Variants in PKHD1 observed in about 807,000 individuals in gnomAD.
The protein encoded by PKHD1 is PKHD1 ciliary IPT domain containing fibrocystin/polyductin.
In PKHD1, 291 loss-of-function variants were observed where a neutral mutation model predicts 412.0. The ratio of observed to expected loss-of-function variants is 0.71; its 90% CI spans 0.64 to 0.78. The LOEUF is 0.78. Among genes scored for constraint, PKHD1 ranks in the 30% least tolerant of loss-of-function variants. The pLI is 0.00. For missense variants in PKHD1, 4,825 were observed against 4,950.7 expected, an observed-to-expected ratio of 0.97 and a Z score of 0.76; for synonymous variants, 1,777 against 1,821.5, an observed-to-expected ratio of 0.98 and a Z score of 0.62.
At chr6:51,744,278 A>G (rs891360835) in intron 60 of PKHD1, 107 bp downstream of exon 60, 3 of 954,958 alleles carry the variant, frequency 3.1e-6, no homozygotes, top group Admixed American at 1.7e-5. Flanking sequence ...CAACTCTAGA[A>G]TTTAGGTCTT....
chr6:52,016,699 C>A (rs1800595941), intron 34 of PKHD1, among the ~76,000 whole-genome samples: 1 of 151,250 alleles, frequency 6.6e-6, no homozygotes. Context: ...TCAAAGGTAG[C>A]CACTCTATCT....
At chr6:51,966,404 T>C (rs1409407447) in intron 35 of PKHD1, among the ~76,000 whole-genome samples, 2 of 152,194 alleles carry the variant, frequency 1.3e-5, no homozygotes, top group Admixed American at 6.5e-5. Context: ...TCTATCTCTG[T>C]GAGCAAAGGG....
intron 18 of PKHD1, among the ~76,000 whole-genome samples, chr6:52,056,336 C>T (rs1416275453): frequency 6.6e-6 from 1 of 152,150 alleles, no homozygotes; most frequent in African/African-American, 2.4e-5. Flanking sequence ...AGACTACTTT[C>T]TTAAGTAGTA....
chr6:51,758,058 A>C (rs1787366069), intron 55 of PKHD1, among the ~76,000 whole-genome samples: 1 of 131,130 alleles, frequency 7.6e-6, no homozygotes, highest in African/African-American at 3.0e-5. Context: ...GAGAGAAAAC[A>C]AAGCAAACAG....
chr6:51,826,677 G>C (rs985652156), intron 52 of PKHD1, among the ~76,000 whole-genome samples: 1 of 152,078 alleles, frequency 6.6e-6, no homozygotes, highest in African/African-American at 2.4e-5. Flanking sequence ...TTGAAGCAAA[G>C]TTATCACGAA....
chr6:51,958,251 A>T (rs1442583797), intron 36 of PKHD1, among the ~76,000 whole-genome samples: 1 of 152,084 alleles, frequency 6.6e-6, no homozygotes, highest in African/African-American at 2.4e-5. Flanking sequence ...GACCCTTCAG[A>T]TGACTTACTC....
rs369623770 is a variant in PKHD1, at chr6:51,619,080, A to C, written c.*1T>G. 3.1e-6 allele frequency: 5 copies of C among 1,613,998 alleles called. No individual in the cohort carries two copies. The highest frequency in any genetic ancestry group is 4.2e-6 in the Non-Finnish European group (5 of 1,179,862). On this transcript the variant is annotated 3_prime_UTR_variant, in exon 67 of 67. Coordinates refer to ENST00000371117, the MANE Select transcript of PKHD1 (RefSeq NM_138694.4). ...AGGCCAAATGCCCCCAACTTCCCTG[A>C]TCACAGTTGCTCCTGAATAGTTTCC...
intron 43 of PKHD1, among the ~76,000 whole-genome samples, chr6:51,901,690 T>A (rs1260012076): frequency 8.0e-5 from 11 of 138,272 alleles, no homozygotes; most frequent in Admixed American, 3.5e-4. Flanking sequence ...AAAAAAAACT[T>A]AAAAAAAAAA....
chr6:51,977,663 T>G (rs949288494), intron 35 of PKHD1, among the ~76,000 whole-genome samples: 2 of 152,178 alleles, frequency 1.3e-5, no homozygotes, highest in Non-Finnish European at 2.9e-5. Flanking sequence ...TATTTTCTAT[T>G]TCCACTCTCT....
intron 36 of PKHD1, among the ~76,000 whole-genome samples, chr6:51,938,969 C>A (rs114447193): frequency 1.3e-5 from 2 of 151,560 alleles, no homozygotes; most frequent in South Asian, 2.1e-4. Context: ...GCAGAAGATG[C>A]GTTTTATCCA....
chr6:51,791,316 C>G lies in PKHD1; in HGVS notation c.8360G>C (p.Gly2787Ala). ...LPFFKGLYVM[G>A]TLDFPVDRSN... ...TCTGTCCACAGGGAAGTCTAAGGTC[C>G]CCATCACATACAGCCCTTTGAAGAA... Residue 2787 changes from glycine (G) to alanine (A), a missense_variant, in exon 53 of 67, where the codon GGG (glycine) becomes GCG (alanine). Coordinates refer to ENST00000371117, the MANE Select transcript of PKHD1 (RefSeq NM_138694.4). 1 of 1,613,114 alleles carries G rather than the reference C, an allele frequency of 6.2e-7. No individual in the cohort carries two copies. Among genetic ancestry groups the G allele is most frequent in the Admixed American group, 1.7e-5 (1 of 59,994 alleles).
At chr6:51,906,101 G>C (rs939258689) in intron 41 of PKHD1, 114 bp downstream of exon 41, 20 of 879,342 alleles carry the variant, frequency 2.3e-5, no homozygotes, top group African/African-American at 3.3e-5. Context: ...CATTTCTAGT[G>C]ATCATAAAGC....
intron 65 of PKHD1, among the ~76,000 whole-genome samples, chr6:51,631,639 A>G (rs1767928264): frequency 6.6e-6 from 1 of 151,942 alleles, no homozygotes; most frequent in Non-Finnish European, 1.5e-5. Context: ...TCTTTCACTC[A>G]TTGGCTGGTC....
At chr6:51,713,642 G>C (rs1223561466) in intron 60 of PKHD1, among the ~76,000 whole-genome samples, 1 of 152,186 alleles carries the variant, frequency 6.6e-6, no homozygotes, top group Non-Finnish European at 1.5e-5. Context: ...AGGCCCTTCT[G>C]CAGGTTCTGC....
Position 52,024,664 on chromosome 6 carries a change from C to T in PKHD1, c.5146G>A (p.Val1716Ile), listed in dbSNP as rs751058491. The change falls in exon 32 of 67, where the codon GTC (valine) becomes ATC (isoleucine). Residue 1716 changes from valine to isoleucine, a missense_variant. Physicochemically the swap from Val to Ile is conservative, Grantham distance 29 (BLOSUM62 3). Transcript: ENST00000371117. ...CCTCTGATGCAGTCATAGCCTCTGA[C>T]GTGGTACTCCCCGGCCGGAAGGGAA... ...VPSLPAGEYH[V>I]RGYDCIRGWA... is the part of the protein sequence containing the mutation. 9 of 1,614,174 alleles carry T rather than the reference C, an allele frequency of 5.6e-6. No individual in the cohort carries two copies. The highest frequency in any genetic ancestry group is 4.5e-5 in the East Asian group (2 of 44,886).
At chr6:51,875,056 G>A (rs1330434527) in intron 46 of PKHD1, among the ~76,000 whole-genome samples, 1 of 34,270 alleles carries the variant, frequency 2.9e-5, no homozygotes, top group South Asian at 1.5e-3. Context: ...TTTTCAGACC[G>A]GCTTAAGAAA....
chr6:51,730,514 C>A (rs901375816), intron 60 of PKHD1, among the ~76,000 whole-genome samples: 1 of 152,172 alleles, frequency 6.6e-6, no homozygotes, highest in African/African-American at 2.4e-5. Context: ...TCAAATGCAT[C>A]TGAATCTATT....
intron 55 of PKHD1, among the ~76,000 whole-genome samples, chr6:51,771,616 C>CAA (rs556888100): frequency 7.8e-5 from 10 of 127,634 alleles, no homozygotes; most frequent in African/African-American, 1.5e-4. Flanking sequence ...GAGACTGTGT[C>CAA]AAAAAAAAAA....
chr6:51,745,123 T>A (rs1459703528), intron 59 of PKHD1, among the ~76,000 whole-genome samples: 1 of 152,148 alleles, frequency 6.6e-6, no homozygotes, highest in East Asian at 1.9e-4. Context: ...AATCTAATGC[T>A]TTGAAATACC....
Sources: gnomAD v4.1 joint callset for allele counts (sites outside exome capture counted in the v4.1 genomes callset) on GRCh38, gnomAD v4.1.1 for gene constraint, MANE v1.5 for transcripts, NCBI Gene and HGNC (gene_info 2026-07-23, HGNC 2026-07-21) for gene names.